LRBA: variants seen among roughly 807,000 people sequenced by gnomAD.
The protein encoded by LRBA is LPS responsive beige-like anchor protein.
A neutral mutation model predicts 330.0 loss-of-function variants in LRBA; 176 were observed. The observed-to-expected ratio is 0.53, with a 90% CI of 0.47 to 0.60. LRBA has a LOEUF of 0.60. LRBA is among the 20% of genes least tolerant of loss of function. The probability of loss-of-function intolerance (pLI) is 0.00; values close to 1 mark genes in which losing one functional copy is unlikely to be tolerated. For synonymous variants in LRBA, 1,230 were observed against 1,193.0 expected (o/e 1.03, Z -0.64); for missense variants, 3,259 against 3,444.8 (o/e 0.95, Z 1.35).
intron 49 of LRBA, among the ~76,000 whole-genome samples, chr4:150,322,029 T>C (rs1454475149): frequency 6.6e-6 from 1 of 152,218 alleles, no homozygotes; most frequent in African/African-American, 2.4e-5. Context: ...TATATTTATA[T>C]AGTGTACCAA....
At chr4:150,432,056 T>G (rs1750455703) in intron 46 of LRBA, among the ~76,000 whole-genome samples, 1 of 152,136 alleles carries the variant, frequency 6.6e-6, no homozygotes, top group African/African-American at 2.4e-5. Flanking sequence ...TTTTAAGATA[T>G]TCAAGTAACA....
chr4:150,739,286 A>G (rs947139088), intron 35 of LRBA, among the ~76,000 whole-genome samples: 1 of 152,198 alleles, frequency 6.6e-6, no homozygotes, highest in African/African-American at 2.4e-5. Context: ...GACCTGACTG[A>G]CATATCGAGA....
chr4:150,767,525 C>T (rs953538938), intron 34 of LRBA, among the ~76,000 whole-genome samples: 6 of 151,838 alleles, frequency 4.0e-5, no homozygotes, highest in African/African-American at 1.5e-4. Context: ...TTTGGGGGGC[C>T]AAGGCAGGCA....
chr4:150,896,375 T>A lies in LRBA; in HGVS notation c.2067+19A>T. 1 of 1,330,114 alleles carries A rather than the reference T, an allele frequency of 7.5e-7. No individual in the cohort carries two copies. The highest frequency in any genetic ancestry group is 2.2e-5 in the Admixed American group (1 of 46,034). The allele number at this position is 1,330,114 out of a possible 1,614,324, so 82.4% of individuals were successfully genotyped here. A position where few individuals can be genotyped will look rare whatever the true frequency, so the allele number is the denominator to read the frequency against. On this transcript the variant is annotated intron_variant, in intron 16 of 56. Coordinates refer to ENST00000651943, the MANE Select transcript of LRBA (RefSeq NM_001364905.1). Reference sequence around the variant, plus strand: ...AGCTTCAAAAATTAAAATTTCAAAATATAAAATTCATATATTACCTCATGC... The same window carrying A: ...AGCTTCAAAAATTAAAATTTCAAAAAATAAAATTCATATATTACCTCATGC...
chr4:150,526,330 T>G (rs1190665259), intron 40 of LRBA, among the ~76,000 whole-genome samples: 1 of 152,210 alleles, frequency 6.6e-6, no homozygotes, highest in Non-Finnish European at 1.5e-5. Context: ...TGGCAGACTT[T>G]GAAGGTTACA....
chr4:150,812,273 T>C (rs924143898), intron 31 of LRBA, among the ~76,000 whole-genome samples: 3 of 152,228 alleles, frequency 2.0e-5, no homozygotes, highest in African/African-American at 7.2e-5. Context: ...TGTGGAATGA[T>C]ACTCACTTAT....
At chr4:150,319,376 G>A (rs969019471) in intron 50 of LRBA, among the ~76,000 whole-genome samples, 2 of 152,122 alleles carry the variant, frequency 1.3e-5, no homozygotes, top group Non-Finnish European at 2.9e-5. Context: ...AGTCACACAT[G>A]CTGGTGCAAA....
At chr4:151,006,516 A>C (rs1744093213) in intron 2 of LRBA, among the ~76,000 whole-genome samples, 1 of 152,124 alleles carries the variant, frequency 6.6e-6, no homozygotes, top group Admixed American at 6.5e-5. Context: ...GTATTATAAA[A>C]CAAAAATGCA....
chr4:150,812,719 ACTGT>A (rs1193450735), intron 31 of LRBA, among the ~76,000 whole-genome samples: 5 of 152,226 alleles, frequency 3.3e-5, no homozygotes, highest in African/African-American at 4.8e-5. Flanking sequence ...ATAAACAGAT[ACTGT>A]CTAATATTCT....
intron 47 of LRBA, among the ~76,000 whole-genome samples, chr4:150,364,500 C>A (rs1466206766): frequency 6.6e-6 from 1 of 152,326 alleles, no homozygotes; most frequent in Middle Eastern, 3.4e-3. Context: ...ACAACACATC[C>A]TTTTGAACCA....
rs1279538117 is a variant in LRBA at position 150,458,477 on chromosome 4, TAC to T, written c.6780+9194_6780+9195del. The stretch of plus-strand genomic sequence containing the variant: ...TTCAGGGTTATATAAATTAAATAGC[TAC>T]ACAGTTTGCTACCTAGGATCCTCAA... On this transcript the variant is annotated intron_variant, in intron 44 of 56. Transcript: ENST00000651943. Among the ~76,000 whole-genome samples, 4 of 151,952 alleles carry T rather than the reference TAC, an allele frequency of 2.6e-5. No homozygotes were observed. The South Asian group carries it at 8.3e-4, about 32-fold the overall frequency.
chr4:150,422,850 A>C, intron 46 of LRBA: 1 of 1,354,844 alleles, frequency 7.4e-7, no homozygotes, highest in Non-Finnish European at 1.1e-6. Context: ...ACTGAACTCC[A>C]CCACGTGATC....
intron 37 of LRBA, among the ~76,000 whole-genome samples, chr4:150,647,447 C>T (rs1220154376): frequency 7.2e-6 from 1 of 138,610 alleles, no homozygotes; most frequent in Non-Finnish European, 1.5e-5. Context: ...TAACCTCAAC[C>T]TCCTGGGCTC....
chr4:150,452,605 G>C (rs919563762), intron 44 of LRBA, among the ~76,000 whole-genome samples: 1 of 142,632 alleles, frequency 7.0e-6, no homozygotes, highest in Non-Finnish European at 1.5e-5. Context: ...CTGTGCAACA[G>C]AGCACGACTC....
chr4:150,592,157 T>G (rs1477327666), intron 38 of LRBA, among the ~76,000 whole-genome samples: 3 of 143,366 alleles, frequency 2.1e-5, no homozygotes, highest in Non-Finnish European at 4.6e-5. Flanking sequence ...TTTTTTTTTT[T>G]TTTTTTTTTT....
intron 4 of LRBA, among the ~76,000 whole-genome samples, chr4:150,923,645 CA>C (rs1733574601): frequency 6.6e-6 from 1 of 152,100 alleles, no homozygotes; most frequent in Admixed American, 6.5e-5. Flanking sequence ...ATACATGAAA[CA>C]ACCAACAATA....
intron 31 of LRBA, among the ~76,000 whole-genome samples, chr4:150,815,889 A>T (rs1178928913): frequency 6.6e-6 from 1 of 151,948 alleles, no homozygotes; most frequent in East Asian, 1.9e-4. Flanking sequence ...CTACTGGAAC[A>T]TTTTCTCTAT....
At chr4:150,928,764 T>A in intron 3 of LRBA, 70 bp downstream of exon 3, 1 of 1,399,850 alleles carries the variant, frequency 7.1e-7, no homozygotes, top group South Asian at 1.2e-5. Flanking sequence ...CTAAATGGAA[T>A]AAGAAAAATA....
chr4:150,851,966 A>G lies in LRBA; in HGVS notation c.3744T>C (p.Asn1248=), dbSNP rs1750668080. ...CCAGCCTCTCAGTATCTGTAGCAACATTGGAAACATCCAACTTCGCAATCT... is the reference window on the plus strand; with the variant it reads ...CCAGCCTCTCAGTATCTGTAGCAACGTTGGAAACATCCAACTTCGCAATCT... ...EQKIAKLDVS[N]VATDTERLEL... is the part of the protein sequence containing the mutation. The change falls in exon 23 of 57, where the codon AAT becomes AAC. Residue 1248 remains asparagine, a synonymous_variant. Transcript: ENST00000651943. The G allele has an allele frequency of 1.2e-6, 2 of 1,614,188 alleles. No homozygotes were observed. Among genetic ancestry groups the G allele is most frequent in the Non-Finnish European group, 1.7e-6 (2 of 1,180,008 alleles).
Sources: allele counts gnomAD v4.1 joint callset (sites outside exome capture counted in the v4.1 genomes callset), GRCh38; gene constraint gnomAD v4.1.1; transcripts MANE v1.5; gene names NCBI Gene and HGNC (gene_info 2026-07-23, HGNC 2026-07-21).